Variants in DIAPH2 observed in about 807,000 individuals in gnomAD.
DIAPH2 encodes the protein diaphanous related formin 2.
DIAPH2 carries 35 observed loss-of-function variants against 92.7 expected under a neutral mutation model. That is an observed-to-expected ratio of 0.38 (90% CI 0.29 to 0.50). The LOEUF (loss-of-function observed/expected upper bound fraction) is 0.50. Among genes scored for constraint, DIAPH2 ranks in the 20% least tolerant of loss-of-function variants. The probability of loss-of-function intolerance (pLI) is 0.94; values close to 1 mark genes in which losing one functional copy is unlikely to be tolerated. For missense variants in DIAPH2, 701 were observed against 819.5 expected (o/e 0.86, Z 1.77); for synonymous variants, 301 against 280.4 (o/e 1.07, Z -0.73).
intron 19 of DIAPH2, among the ~76,000 whole-genome samples, chrX:97,098,585 C>T (rs189694585): frequency 3.3e-4 from 37 of 112,490 alleles, no homozygotes; most frequent in African/African-American, 6.1e-4. Context: ...CCACCACGCC[C>T]GGCTAATTTT....
intron 21 of DIAPH2, among the ~76,000 whole-genome samples, chrX:97,137,867 AT>A (rs2067183877): frequency 8.9e-6 from 1 of 112,086 alleles, no homozygotes; most frequent in African/African-American, 3.2e-5. Context: ...TCTAATTACC[AT>A]TGAGAAATTA....
chrX:97,183,791 T>C (rs767053581), intron 22 of DIAPH2, among the ~76,000 whole-genome samples: 14 of 111,976 alleles, frequency 1.3e-4, no homozygotes, highest in Non-Finnish European at 2.6e-4. Flanking sequence ...TAAAAAGCCA[T>C]GTACTCATTA....
At chrX:97,164,378 G>T (rs1344423670) in intron 22 of DIAPH2, among the ~76,000 whole-genome samples, 3 of 111,551 alleles carry the variant, frequency 2.7e-5, no homozygotes, top group Non-Finnish European at 5.6e-5. Context: ...TTCCTGCAAA[G>T]AAATTATATA....
At chrX:96,695,738 G>T (rs369137104) in intron 1 of DIAPH2, among the ~76,000 whole-genome samples, 1 of 111,289 alleles carries the variant, frequency 9.0e-6, no homozygotes, top group African/African-American at 3.3e-5. Context: ...ACTCTGAAGG[G>T]CATCTTATTT....
intron 5 of DIAPH2, among the ~76,000 whole-genome samples, chrX:96,894,025 A>C (rs1335524826): frequency 1.8e-5 from 2 of 112,191 alleles, no homozygotes; most frequent in Non-Finnish European, 3.8e-5. Context: ...CCATGAAGGC[A>C]GAATATAGAA....
chrX:96,880,280 A>G (rs2065204796), intron 4 of DIAPH2, among the ~76,000 whole-genome samples: 1 of 111,727 alleles, frequency 9.0e-6, no homozygotes, highest in South Asian at 3.8e-4. Context: ...CTCTACCACA[A>G]TATTTTAAGT....
At chrX:96,962,314 T>TATATATACACACATATATATAC (rs2065857438) in intron 16 of DIAPH2, among the ~76,000 whole-genome samples, 1 of 42,635 alleles carries the variant, frequency 2.3e-5, no homozygotes, top group African/African-American at 7.3e-5. Flanking sequence ...TATATATACA[T>TATATATACACACATATATATAC]ATATATATAC....
At chrX:97,267,869 C>G (rs191219039) in intron 23 of DIAPH2, among the ~76,000 whole-genome samples, 1 of 111,604 alleles carries the variant, frequency 9.0e-6, no homozygotes, top group African/African-American at 3.3e-5. Flanking sequence ...TACAACTAAA[C>G]TGACTGACTT....
chrX:97,063,110 G>T (rs1190870042), intron 17 of DIAPH2, among the ~76,000 whole-genome samples: 4 of 107,968 alleles, frequency 3.7e-5, no homozygotes, highest in Non-Finnish European at 5.8e-5. Context: ...TTATTCTAAT[G>T]TTTTGATCAC....
At position 97,513,878 on chromosome X, in the gene DIAPH2, C is replaced by T. The variant is rs866501267; in HGVS notation, c.3241+84133C>T. ...CTTGTATGGTTTCTGCCGAGAGATC[C>T]GCTGTTAGTCTGATGGGCTTCCCTT... On this transcript the variant is annotated intron_variant, in intron 26 of 26. Transcript: ENST00000324765. Among the ~76,000 whole-genome samples, 12 of 103,158 alleles carry T rather than the reference C, an allele frequency of 1.2e-4. No homozygotes were observed. The South Asian group carries it at 2.3e-3, about 20-fold the overall frequency. The allele number at this position is 103,158 out of a possible 115,157, so 89.6% of individuals were successfully genotyped here. A position where few individuals can be genotyped will look rare whatever the true frequency, so the allele number is the denominator to read the frequency against.
chrX:97,442,255 T>C (rs1232537185), intron 26 of DIAPH2: 1 of 112,950 alleles, frequency 8.9e-6, no homozygotes, highest in African/African-American at 3.2e-5. Context: ...ATCTTGGTTG[T>C]TTTAAGTTCA....
At position 96,975,106 on chromosome X, in the gene DIAPH2, T is replaced by C. The variant is rs184778925; in HGVS notation, c.2050+9899T>C. On this transcript the variant is annotated intron_variant, in intron 17 of 26. Transcript: ENST00000324765. ...ATTGAGGTGTTATAAATATTTGAAATGCATATAAATGTCATTTTGCAGTGC... is the reference window on the plus strand; with the variant it reads ...ATTGAGGTGTTATAAATATTTGAAACGCATATAAATGTCATTTTGCAGTGC... 3.6e-5 allele frequency among the ~76,000 whole-genome samples: 4 copies of C among 112,053 alleles called. No homozygotes were observed. The East Asian group carries it at 1.1e-3, about 31-fold the overall frequency.
At chrX:97,107,433 C>T (rs1420629073) in intron 20 of DIAPH2, among the ~76,000 whole-genome samples, 7 of 111,731 alleles carry the variant, frequency 6.3e-5, no homozygotes, top group Admixed American at 9.5e-5. Context: ...TTTTTCCAGG[C>T]CTGGTACTGG....
At chrX:97,009,074 G>T (rs1315872333) in intron 17 of DIAPH2, among the ~76,000 whole-genome samples, 1 of 110,601 alleles carries the variant, frequency 9.0e-6, no homozygotes, top group African/African-American at 3.3e-5. Flanking sequence ...AGGGCCTGGA[G>T]TTGGTAACCT....
chrX:96,855,577 AATATAAATATAG>A (rs1192270074), intron 4 of DIAPH2, among the ~76,000 whole-genome samples: 3 of 108,895 alleles, frequency 2.8e-5, no homozygotes, highest in Admixed American at 9.8e-5. Context: ...TATAGATATA[AATATAAATATAG>A]ATATAAATAT....
At chrX:97,056,022 A>G (rs904884477) in intron 17 of DIAPH2, among the ~76,000 whole-genome samples, 4 of 111,586 alleles carry the variant, frequency 3.6e-5, no homozygotes, top group Admixed American at 2.9e-4. Context: ...TTCTCAACTA[A>G]GAGAATAGTG....
At chrX:96,792,796 A>G (rs188839998) in intron 4 of DIAPH2, among the ~76,000 whole-genome samples, 32 of 112,065 alleles carry the variant, frequency 2.9e-4, no homozygotes, top group African/African-American at 9.7e-4. Flanking sequence ...CATAATTTCA[A>G]TAGTATGTAA....
At chrX:97,310,454 C>G (rs769322716) in intron 23 of DIAPH2, among the ~76,000 whole-genome samples, 8 of 111,826 alleles carry the variant, frequency 7.2e-5, no homozygotes, top group Non-Finnish European at 1.3e-4. Flanking sequence ...TTAGATAGCA[C>G]AGAGGGAAAG....
At chrX:97,221,847 C>CT (rs1285052571) in intron 22 of DIAPH2, among the ~76,000 whole-genome samples, 2,354 of 103,505 alleles carry the variant, frequency 0.023, 72 homozygotes, top group African/African-American at 0.077. Context: ...TTTGCTCCTT[C>CT]TTTTTTTTTT....
Sources: gnomAD v4.1 joint callset for allele counts (sites outside exome capture counted in the v4.1 genomes callset) on GRCh38, gnomAD v4.1.1 for gene constraint, MANE v1.5 for transcripts, NCBI Gene and HGNC (gene_info 2026-07-23, HGNC 2026-07-21) for gene names.